The following GABRA1 variants were observed in gnomAD, a reference collection of about 807,000 sequenced individuals.
The protein encoded by GABRA1 is gamma-aminobutyric acid type A receptor subunit alpha1.
A neutral mutation model predicts 48.9 loss-of-function variants in GABRA1; 9 were observed. The observed-to-expected ratio is 0.18, with a 90% CI of 0.11 to 0.32. GABRA1 has a LOEUF of 0.32. Ranked by LOEUF, GABRA1 falls within the 10% of genes least tolerant of loss-of-function variation. GABRA1 has a pLI of 1.00. For synonymous variants in GABRA1, 210 were observed against 198.7 expected, an observed-to-expected ratio of 1.06 and a Z score of -0.48; for missense variants, 285 against 553.8, an observed-to-expected ratio of 0.51 and a Z score of 4.87.
intron 5 of GABRA1, among the ~76,000 whole-genome samples, chr5:161,873,885 C>T (rs1377207794): frequency 6.6e-6 from 1 of 152,120 alleles, no homozygotes; most frequent in African/African-American, 2.4e-5. Flanking sequence ...AAACATTTCC[C>T]TCTCTTTAAG....
intron 7 of GABRA1, among the ~76,000 whole-genome samples, chr5:161,888,403 C>T (rs1730115198): frequency 6.6e-6 from 1 of 152,016 alleles, no homozygotes; most frequent in Admixed American, 6.6e-5. Context: ...GGAATTTCTT[C>T]TGTTAGGGAA....
chr5:161,857,536 A>C (rs1757697364), intron 3 of GABRA1, among the ~76,000 whole-genome samples: 1 of 151,650 alleles, frequency 6.6e-6, no homozygotes, highest in Admixed American at 6.6e-5. Context: ...TTCAGGGATA[A>C]GAGCAACCAT....
intron 5 of GABRA1, among the ~76,000 whole-genome samples, chr5:161,873,603 C>G (rs1754219229): frequency 6.6e-6 from 1 of 152,124 alleles, no homozygotes; most frequent in African/African-American, 2.4e-5. Flanking sequence ...AACTTCCTCT[C>G]CCTACTATAA....
chr5:161,884,161 C>T (rs1015559631), intron 7 of GABRA1, among the ~76,000 whole-genome samples: 11 of 152,048 alleles, frequency 7.2e-5, no homozygotes, highest in Admixed American at 1.3e-4. Context: ...AGAGCTGTTG[C>T]TATGGTCCTG....
rs1755443341 is a variant in GABRA1 at position 161,897,848 on chromosome 5, G to C, written c.*426G>C. The C allele has an allele frequency of 1.3e-5, 2 of 156,360 alleles. No homozygotes were observed. Among genetic ancestry groups the C allele is most frequent in the African/African-American group, 4.8e-5 (2 of 41,450 alleles). The allele number at this position is 156,360 out of a possible 1,614,324, so 9.7% of individuals were successfully genotyped here. A position where few individuals can be genotyped will look rare whatever the true frequency, so the allele number is the denominator to read the frequency against. On this transcript the variant is annotated 3_prime_UTR_variant, in exon 10 of 10. Transcript: ENST00000393943. Reference sequence around the variant, plus strand: ...GTGTTTCAAAGGGTAAATTATAAATGTTTCATGAAGAAAAAATTTTAAAAA... The same window carrying C: ...GTGTTTCAAAGGGTAAATTATAAATCTTTCATGAAGAAAAAATTTTAAAAA...
At chr5:161,892,698 C>T (rs138590185) in intron 8 of GABRA1, among the ~76,000 whole-genome samples, 1 of 137,954 alleles carries the variant, frequency 7.2e-6, no homozygotes, top group Admixed American at 7.6e-5. Context: ...AACAAACAAA[C>T]AAAAACAAAC....
At chr5:161,885,561 C>G (rs116134294) in intron 7 of GABRA1, among the ~76,000 whole-genome samples, 1 of 152,136 alleles carries the variant, frequency 6.6e-6, no homozygotes, top group Admixed American at 6.6e-5. Flanking sequence ...ATCCTACTGA[C>G]CTCTTTGAGT....
intron 8 of GABRA1, 89 bp from the exon 9 acceptor site, chr5:161,895,577 G>C: frequency 8.5e-7 from 1 of 1,180,394 alleles, no homozygotes; most frequent in Non-Finnish European, 1.2e-6. Flanking sequence ...TGATACTGTT[G>C]ATTTCCTTTT....
intron 3 of GABRA1, among the ~76,000 whole-genome samples, chr5:161,860,128 A>G (rs1757796599): frequency 6.6e-6 from 1 of 151,864 alleles, no homozygotes; most frequent in Non-Finnish European, 1.5e-5. Context: ...GTTAAAATGA[A>G]CAGAGAATAC....
chr5:161,851,511 A>C (rs1324002837), intron 2 of GABRA1, among the ~76,000 whole-genome samples: 2 of 152,252 alleles, frequency 1.3e-5, no homozygotes, highest in African/African-American at 4.8e-5. Flanking sequence ...TAATGATCCA[A>C]TCAAGCATGT....
At chr5:161,885,588 T>C (rs1754809069) in intron 7 of GABRA1, among the ~76,000 whole-genome samples, 1 of 152,174 alleles carries the variant, frequency 6.6e-6, no homozygotes, top group South Asian at 2.1e-4. Flanking sequence ...ACTTTCTAAA[T>C]CACTTCATTA....
chr5:161,855,008 A>G (rs1757592889), intron 3 of GABRA1, among the ~76,000 whole-genome samples: 1 of 151,670 alleles, frequency 6.6e-6, no homozygotes, highest in Non-Finnish European at 1.5e-5. Context: ...AAATCAAAAT[A>G]TTGATCTCAG....
At chr5:161,882,133 T>G (rs1754644255) in intron 6 of GABRA1, 1 of 237,158 alleles carries the variant, frequency 4.2e-6, no homozygotes, top group Non-Finnish European at 8.3e-6. Context: ...CCCCTTACCT[T>G]ACTTAGGATA....
At chr5:161,857,169 A>G (rs1757682026) in intron 3 of GABRA1, among the ~76,000 whole-genome samples, 1 of 151,450 alleles carries the variant, frequency 6.6e-6, no homozygotes, top group Admixed American at 6.6e-5. Context: ...CACAGCTAGG[A>G]TGATTTCCTC....
chr5:161,860,079 T>C (rs1016493051), intron 3 of GABRA1, among the ~76,000 whole-genome samples: 1 of 151,786 alleles, frequency 6.6e-6, no homozygotes. Context: ...TTCAACAAAT[T>C]ATAGAGAAAA....
At chr5:161,867,991 T>A (rs1753945464) in intron 4 of GABRA1, among the ~76,000 whole-genome samples, 1 of 152,084 alleles carries the variant, frequency 6.6e-6, no homozygotes, top group Non-Finnish European at 1.5e-5. Context: ...ATTGTTATTT[T>A]AGAGTAAATG....
intron 6 of GABRA1, among the ~76,000 whole-genome samples, chr5:161,879,481 T>A (rs1754515608): frequency 6.6e-6 from 1 of 152,188 alleles, no homozygotes; most frequent in Non-Finnish European, 1.5e-5. Flanking sequence ...ACTTAAAATT[T>A]TTGGCTAAGT....
At chr5:161,880,557 C>T (rs189495233) in intron 6 of GABRA1, among the ~76,000 whole-genome samples, 8 of 152,166 alleles carry the variant, frequency 5.3e-5, no homozygotes, top group Non-Finnish European at 1.0e-4. Context: ...TTATCCATTT[C>T]GTACTTTTAC....
At chr5:161,873,471 C>T in intron 5 of GABRA1, 134 bp downstream of exon 5, 1 of 760,988 alleles carries the variant, frequency 1.3e-6, no homozygotes, top group Non-Finnish European at 2.3e-6. Flanking sequence ...TCTTAAAAAT[C>T]TCTCCAACCT....
Sources: gnomAD v4.1 joint callset for allele counts (sites outside exome capture counted in the v4.1 genomes callset) on GRCh38, gnomAD v4.1.1 for gene constraint, MANE v1.5 for transcripts, NCBI Gene and HGNC (gene_info 2026-07-23, HGNC 2026-07-21) for gene names.